The following SLC35F1 variants were observed in gnomAD, a reference collection of about 807,000 sequenced individuals.
The protein encoded by SLC35F1 is chromosome 6 open reading frame 169.
In SLC35F1, 14 loss-of-function variants were observed where a neutral mutation model predicts 48.7. That is an observed-to-expected ratio of 0.29 (90% CI 0.19 to 0.45). SLC35F1 has a LOEUF of 0.45. Ranked by LOEUF, SLC35F1 falls within the 20% of genes least tolerant of loss-of-function variation. The probability of loss-of-function intolerance (pLI) is 1.00; values close to 1 mark genes in which losing one functional copy is unlikely to be tolerated. For missense variants in SLC35F1, 404 were observed against 500.0 expected, an observed-to-expected ratio of 0.81 and a Z score of 1.83; for synonymous variants, 190 against 202.2, an observed-to-expected ratio of 0.94 and a Z score of 0.51.
chr6:118,265,980 CAA>C (rs977894017), intron 3 of SLC35F1, among the ~76,000 whole-genome samples: 3 of 152,156 alleles, frequency 2.0e-5, no homozygotes, highest in Non-Finnish European at 4.4e-5. Context: ...CCATGGAGCC[CAA>C]AGAGTGTGTT....
chr6:118,050,427 T>G (rs561022045), intron 1 of SLC35F1, among the ~76,000 whole-genome samples: 1 of 148,782 alleles, frequency 6.7e-6, no homozygotes, highest in Non-Finnish European at 1.5e-5. Flanking sequence ...AGTATTACAG[T>G]GCAATAAGGG....
At chr6:118,113,874 T>C (rs1436328664) in intron 1 of SLC35F1, among the ~76,000 whole-genome samples, 1 of 152,218 alleles carries the variant, frequency 6.6e-6, no homozygotes, top group Admixed American at 6.5e-5. Context: ...GTGTATTGTC[T>C]GTCTTCTATT....
intron 4 of SLC35F1, among the ~76,000 whole-genome samples, chr6:118,268,600 ATTTTTTTTTTTTT>A (rs139088554): frequency 1.1e-5 from 1 of 87,886 alleles, no homozygotes; most frequent in East Asian, 3.3e-4. Flanking sequence ...ATATATATAT[ATTTTTTTTTTTTT>A]TTTTTTTTTT....
At chr6:118,242,414 A>G (rs941944617) in intron 3 of SLC35F1, among the ~76,000 whole-genome samples, 3 of 152,214 alleles carry the variant, frequency 2.0e-5, no homozygotes, top group African/African-American at 7.2e-5. Context: ...GATAACATTT[A>G]TGCAGGAAAA....
chr6:117,977,140 T>A (rs1205208062), intron 1 of SLC35F1, among the ~76,000 whole-genome samples: 1 of 152,126 alleles, frequency 6.6e-6, no homozygotes, highest in Non-Finnish European at 1.5e-5. Flanking sequence ...TTAGGACAGA[T>A]TCCTAGAAGT....
intron 2 of SLC35F1, among the ~76,000 whole-genome samples, chr6:118,172,241 T>C (rs1413020419): frequency 6.6e-6 from 1 of 152,134 alleles, no homozygotes; most frequent in African/African-American, 2.4e-5. Flanking sequence ...ACATTTGGAT[T>C]TTGGGTTCCA....
At chr6:117,918,214 G>GA (rs1775851350) in intron 1 of SLC35F1, among the ~76,000 whole-genome samples, 1 of 151,686 alleles carries the variant, frequency 6.6e-6, no homozygotes, top group African/African-American at 2.4e-5. Context: ...AGTGTAAGGA[G>GA]AGTCTTTTAA....
At chr6:118,011,491 A>T (rs910911789) in intron 1 of SLC35F1, among the ~76,000 whole-genome samples, 2 of 152,114 alleles carry the variant, frequency 1.3e-5, no homozygotes, top group Non-Finnish European at 2.9e-5. Context: ...TGCCTCCATG[A>T]TCTAGTCACC....
chr6:118,279,518 G>T (rs76321519), intron 6 of SLC35F1, among the ~76,000 whole-genome samples: 6,077 of 152,274 alleles, frequency 0.04, 421 homozygotes, highest in African/African-American at 0.14. Flanking sequence ...AAGCAACAAA[G>T]ATGGTCCTAT....
Position 117,907,486 on chromosome 6 carries a change from G to A in SLC35F1, c.-241G>A, listed in dbSNP as rs1482874993. On this transcript the variant is annotated 5_prime_UTR_variant, in exon 1 of 8. Coordinates refer to ENST00000360388, the MANE Select transcript of SLC35F1 (RefSeq NM_001029858.4). ...CGCGGCTCGGGAAGAGCCGGGGCGGGCGGCGGCGGCGGCGGCACGGGCGCG... is the reference window on the plus strand; with the variant it reads ...CGCGGCTCGGGAAGAGCCGGGGCGGACGGCGGCGGCGGCGGCACGGGCGCG... The A allele has an allele frequency of 8.0e-6, 2 of 250,930 alleles. No individual in the cohort carries two copies. Among genetic ancestry groups the A allele is most frequent in the African/African-American group, 2.3e-5 (1 of 43,822 alleles). The allele number at this position is 250,930 out of a possible 1,614,324, so 15.5% of individuals were successfully genotyped here.
At chr6:118,280,944 G>A (rs1004669156) in intron 6 of SLC35F1, among the ~76,000 whole-genome samples, 15 of 151,356 alleles carry the variant, frequency 9.9e-5, no homozygotes, top group Admixed American at 8.6e-4. Flanking sequence ...GTGACTTGAC[G>A]AGCATTACAT....
chr6:118,061,954 A>G (rs1401949157), intron 1 of SLC35F1, among the ~76,000 whole-genome samples: 1 of 152,134 alleles, frequency 6.6e-6, no homozygotes, highest in East Asian at 1.9e-4. Flanking sequence ...CTGGTTCCTA[A>G]CAGGCCACGG....
intron 1 of SLC35F1, among the ~76,000 whole-genome samples, chr6:118,135,500 C>T (rs117834273): frequency 1.8e-4 from 28 of 152,192 alleles, no homozygotes; most frequent in East Asian, 5.8e-4. Flanking sequence ...ATTTAGATGC[C>T]GGGTACCAGC....
At chr6:118,123,245 C>T (rs1483023506) in intron 1 of SLC35F1, among the ~76,000 whole-genome samples, 1 of 152,244 alleles carries the variant, frequency 6.6e-6, no homozygotes, top group South Asian at 2.1e-4. Context: ...TGAAGGCAGT[C>T]ACCCAGAAGA....
intron 2 of SLC35F1, among the ~76,000 whole-genome samples, chr6:118,228,850 A>G (rs930780647): frequency 6.6e-6 from 1 of 152,030 alleles, no homozygotes; most frequent in South Asian, 2.1e-4. Context: ...AGACTGTGAA[A>G]TGTGTGCTGA....
intron 2 of SLC35F1, among the ~76,000 whole-genome samples, chr6:118,218,192 A>G (rs540922355): frequency 3.9e-5 from 6 of 152,324 alleles, no homozygotes; most frequent in Admixed American, 2.6e-4. Context: ...GTGTCTAGGT[A>G]TGGTGTGCCC....
intron 1 of SLC35F1, among the ~76,000 whole-genome samples, chr6:118,036,188 C>T (rs376802745): frequency 2.6e-5 from 4 of 152,020 alleles, no homozygotes; most frequent in Non-Finnish European, 2.9e-5. Context: ...CTGAAAACAC[C>T]GCTTTAGGTG....
intron 1 of SLC35F1, among the ~76,000 whole-genome samples, chr6:118,094,398 G>T (rs1773118946): frequency 6.6e-6 from 1 of 152,158 alleles, no homozygotes; most frequent in African/African-American, 2.4e-5. Context: ...AAGGTCATCA[G>T]CTGCAAATAA....
chr6:118,051,645 G>A (rs531165992), intron 1 of SLC35F1, among the ~76,000 whole-genome samples: 2 of 152,016 alleles, frequency 1.3e-5, no homozygotes, highest in South Asian at 2.1e-4. Context: ...GTGAGGAACC[G>A]AACATATGTG....
Sources: gnomAD v4.1 joint callset for allele counts (sites outside exome capture counted in the v4.1 genomes callset) on GRCh38, gnomAD v4.1.1 for gene constraint, MANE v1.5 for transcripts, NCBI Gene and HGNC (gene_info 2026-07-23, HGNC 2026-07-21) for gene names.